The following KDM4C variants were observed in gnomAD, a reference collection of about 807,000 sequenced individuals.
The protein encoded by KDM4C is lysine-specific demethylase 4C.
A neutral mutation model predicts 129.3 loss-of-function variants in KDM4C; 81 were observed. The ratio of observed to expected loss-of-function variants is 0.63; its 90% CI spans 0.52 to 0.75. KDM4C has a LOEUF of 0.75. KDM4C is among the 30% of genes least tolerant of loss of function. The pLI is 0.00. For synonymous variants in KDM4C, 573 were observed against 456.1 expected, an observed-to-expected ratio of 1.26 and a Z score of -3.26; for missense variants, 1,457 against 1,304.0, an observed-to-expected ratio of 1.12 and a Z score of -1.81.
intron 18 of KDM4C, among the ~76,000 whole-genome samples, chr9:7,125,445 G>A (rs887779475): frequency 6.6e-6 from 1 of 152,194 alleles, no homozygotes; most frequent in Non-Finnish European, 1.5e-5. Context: ...TAGTGGTTTT[G>A]TGTATTTGAC....
chr9:6,939,959 A>AATCTATCTACCT (rs149769129), intron 8 of KDM4C, among the ~76,000 whole-genome samples: 2,704 of 108,168 alleles, frequency 0.025, 71 homozygotes, highest in South Asian at 0.056. Context: ...TCCAATAACC[A>AATCTATCTACCT]ACCTACCTAC....
intron 4 of KDM4C, among the ~76,000 whole-genome samples, chr9:6,843,701 T>G (rs1038585481): frequency 1.3e-5 from 2 of 152,226 alleles, no homozygotes; most frequent in African/African-American, 2.4e-5. Context: ...TGCAGCATGG[T>G]GCTATTCTGA....
At chr9:7,082,280 A>G (rs1010599225) in intron 17 of KDM4C, among the ~76,000 whole-genome samples, 5 of 152,194 alleles carry the variant, frequency 3.3e-5, no homozygotes, top group Non-Finnish European at 2.9e-5. Flanking sequence ...CTCAGACCAG[A>G]AGGCCCATTA....
At chr9:6,830,339 C>G (rs1027861110) in intron 4 of KDM4C, among the ~76,000 whole-genome samples, 3 of 152,148 alleles carry the variant, frequency 2.0e-5, no homozygotes, top group African/African-American at 7.2e-5. Flanking sequence ...TAGAGAGCAG[C>G]AGGTCTGGCT....
At chr9:6,963,601 A>G (rs1272053265) in intron 8 of KDM4C, among the ~76,000 whole-genome samples, 2 of 152,226 alleles carry the variant, frequency 1.3e-5, no homozygotes, top group East Asian at 3.8e-4. Flanking sequence ...AGAAAGATTC[A>G]GGATGTAGCA....
At chr9:6,789,840 A>G (rs1213933923) in intron 1 of KDM4C, among the ~76,000 whole-genome samples, 2 of 152,274 alleles carry the variant, frequency 1.3e-5, no homozygotes, top group East Asian at 3.9e-4. Flanking sequence ...GGGAGAATTC[A>G]GAATATTTTC....
intron 19 of KDM4C, among the ~76,000 whole-genome samples, chr9:7,157,377 C>G (rs533002047): frequency 6.6e-6 from 1 of 152,210 alleles, no homozygotes; most frequent in Non-Finnish European, 1.5e-5. Flanking sequence ...CTGGCCAGAA[C>G]TTCCAATACT....
chr9:7,037,142 T>C (rs1023428882), intron 15 of KDM4C, among the ~76,000 whole-genome samples: 3 of 152,210 alleles, frequency 2.0e-5, no homozygotes. Flanking sequence ...TGTGATTAAT[T>C]ACTCTTTGTT....
At chr9:7,053,115 C>T (rs1375038788) in intron 17 of KDM4C, among the ~76,000 whole-genome samples, 1 of 152,102 alleles carries the variant, frequency 6.6e-6, no homozygotes, top group Admixed American at 6.6e-5. Flanking sequence ...AATAGAATGA[C>T]TGGTGGGCAA....
chr9:7,012,754 G>C (rs553110730), intron 13 of KDM4C, among the ~76,000 whole-genome samples: 42 of 152,270 alleles, frequency 2.8e-4, no homozygotes, highest in African/African-American at 9.9e-4. Flanking sequence ...TCTCGTAAGG[G>C]TGGAACTATG....
intron 1 of KDM4C, among the ~76,000 whole-genome samples, chr9:6,723,354 G>A (rs1040295978): frequency 2.0e-5 from 3 of 151,062 alleles, no homozygotes; most frequent in Non-Finnish European, 3.0e-5. Context: ...CAGCCTGCGT[G>A]ACAAGAGCAA....
At chr9:6,961,861 T>G (rs1021772709) in intron 8 of KDM4C, among the ~76,000 whole-genome samples, 2 of 152,228 alleles carry the variant, frequency 1.3e-5, no homozygotes, top group Non-Finnish European at 2.9e-5. Context: ...CTTTTTTCCC[T>G]TCTAGCTTAT....
intron 17 of KDM4C, among the ~76,000 whole-genome samples, chr9:7,069,957 CTAAGAA>C (rs1832969381): frequency 6.6e-6 from 1 of 151,964 alleles, no homozygotes; most frequent in African/African-American, 2.4e-5. Flanking sequence ...TGTAGTGTGA[CTAAGAA>C]TATTTTTAAA....
intron 4 of KDM4C, among the ~76,000 whole-genome samples, chr9:6,838,453 A>T (rs1444734014): frequency 6.6e-6 from 1 of 152,204 alleles, no homozygotes; most frequent in Admixed American, 6.5e-5. Flanking sequence ...TGGAACCAGG[A>T]AACTCCATTA....
intron 4 of KDM4C, among the ~76,000 whole-genome samples, chr9:6,829,582 T>A (rs932061516): frequency 1.3e-5 from 2 of 152,222 alleles, no homozygotes; most frequent in Non-Finnish European, 2.9e-5. Flanking sequence ...ATGTTAGGGT[T>A]TATCCTAGAT....
chr9:6,792,256 T>C (rs1015221205), intron 1 of KDM4C, among the ~76,000 whole-genome samples: 4 of 151,404 alleles, frequency 2.6e-5, no homozygotes, highest in Admixed American at 6.6e-5. Context: ...GGCAGGAAAA[T>C]CGCTTGAACC....
intron 17 of KDM4C, among the ~76,000 whole-genome samples, chr9:7,086,438 A>G (rs1444159320): frequency 1.3e-5 from 2 of 152,150 alleles, no homozygotes; most frequent in African/African-American, 2.4e-5. Context: ...GTGTTTCTCA[A>G]TGGGATCTTT....
chr9:6,776,692 C>A (rs1396518116), intron 1 of KDM4C, among the ~76,000 whole-genome samples: 3 of 140,774 alleles, frequency 2.1e-5, no homozygotes, highest in Non-Finnish European at 4.9e-5. Context: ...GCAACCTCCA[C>A]CTCCTGGGTT....
At chr9:6,825,951 C>A (rs1041582338) in intron 4 of KDM4C, among the ~76,000 whole-genome samples, 1 of 152,108 alleles carries the variant, frequency 6.6e-6, no homozygotes, top group East Asian at 1.9e-4. Flanking sequence ...GCTGGGACTA[C>A]GTGTGTGCGC....
Sources: allele counts gnomAD v4.1 joint callset (sites outside exome capture counted in the v4.1 genomes callset), GRCh38; gene constraint gnomAD v4.1.1; transcripts MANE v1.5; gene names NCBI Gene and HGNC (gene_info 2026-07-23, HGNC 2026-07-21).